Variants in ZFAT observed in about 807,000 individuals in gnomAD.
ZFAT encodes zinc finger protein ZFAT.
Under a neutral mutation model 117.7 loss-of-function variants are expected in ZFAT, and 64 were observed. That is an observed-to-expected ratio of 0.54 (90% confidence interval 0.44 to 0.67). The LOEUF is 0.67. Ranked by LOEUF, ZFAT falls within the 30% of genes least tolerant of loss-of-function variation. The probability of loss-of-function intolerance (pLI) is 0.00; values close to 1 mark genes in which losing one functional copy is unlikely to be tolerated. For synonymous variants in ZFAT, 679 were observed against 615.0 expected (o/e 1.10, Z -1.54); for missense variants, 1,433 against 1,584.5 (o/e 0.90, Z 1.62).
chr8:134,538,509 T>C (rs985398488), intron 11 of ZFAT, among the ~76,000 whole-genome samples: 1 of 152,172 alleles, frequency 6.6e-6, no homozygotes, highest in East Asian at 1.9e-4. Flanking sequence ...TCTCAAAAGG[T>C]ATATTGGGCC....
At chr8:134,507,176 A>G (rs1819478835) in intron 15 of ZFAT, among the ~76,000 whole-genome samples, 1 of 152,228 alleles carries the variant, frequency 6.6e-6, no homozygotes, top group African/African-American at 2.4e-5. Flanking sequence ...TTCTTGACTG[A>G]AAAAATCCTA....
rs1827590688 is a variant in ZFAT at position 134,602,637 on chromosome 8, T to C, written c.1082A>G (p.Lys361Arg). 5.6e-6 allele frequency: 9 copies of C among 1,614,218 alleles called. No homozygotes were observed. Among genetic ancestry groups the C allele is most frequent in the Non-Finnish European group, 7.6e-6 (9 of 1,180,046 alleles). ...GAGGTTCTTGACGTCAGAGTACTTC[T>C]TCTTGCAGAAGCGGCAGTGCTGCTT... ...KIKQHCRFCK[K>R]KYSDVKNLIK... The change falls in exon 6 of 16, where the codon AAG (lysine) becomes AGG (arginine). Residue 361 changes from lysine to arginine, a missense_variant. Physicochemically the swap from Lys to Arg is conservative, Grantham distance 26. This residue lies in a region of ZFAT where 436 missense variants were observed against 482.0 expected (regional missense o/e 0.90). Coordinates refer to ENST00000377838, the MANE Select transcript of ZFAT (RefSeq NM_020863.4).
chr8:134,759,696 C>A, the ZFAT span, among the ~76,000 whole-genome samples: 1 of 151,992 alleles, frequency 6.6e-6, no homozygotes, highest in African/African-American at 2.4e-5. Flanking sequence ...AACTTCCCAG[C>A]TGGGCGCGAT....
intron 15 of ZFAT, among the ~76,000 whole-genome samples, chr8:134,493,856 T>G (rs550718712): frequency 6.6e-6 from 1 of 152,246 alleles, no homozygotes; most frequent in South Asian, 2.1e-4. Context: ...TAGTAGGCAC[T>G]CAATAAACAC....
chr8:134,726,325 C>T, the ZFAT span, among the ~76,000 whole-genome samples: 2 of 152,134 alleles, frequency 1.3e-5, no homozygotes, highest in African/African-American at 4.8e-5. Context: ...TCTCTCCTCC[C>T]TTGATTTTTC....
intron 9 of ZFAT, among the ~76,000 whole-genome samples, chr8:134,586,728 C>T (rs973684827): frequency 3.3e-5 from 5 of 152,230 alleles, no homozygotes; most frequent in Non-Finnish European, 7.3e-5. Flanking sequence ...CCTGCTACCA[C>T]CCTCACCCCC....
chr8:134,786,846 T>A, the ZFAT span, among the ~76,000 whole-genome samples: 1 of 151,778 alleles, frequency 6.6e-6, no homozygotes, highest in African/African-American at 2.4e-5. Flanking sequence ...CAAGCTTTTT[T>A]TTTTTTTTTT....
the ZFAT span, among the ~76,000 whole-genome samples, chr8:134,830,308 G>A: frequency 6.6e-6 from 1 of 152,200 alleles, no homozygotes; most frequent in African/African-American, 2.4e-5. Context: ...ATAGGAGCAA[G>A]ATGTAAAAGA....
At chr8:134,526,933 T>C (rs1821065854) in intron 12 of ZFAT, among the ~76,000 whole-genome samples, 2 of 152,136 alleles carry the variant, frequency 1.3e-5, no homozygotes, top group Admixed American at 6.6e-5. Flanking sequence ...AATGAGTCCC[T>C]GAAGACAGCC....
intron 7 of ZFAT, among the ~76,000 whole-genome samples, chr8:134,596,427 CT>C (rs10711974): frequency 0.23 from 35,622 of 152,140 alleles, 4,598 homozygotes; most frequent in East Asian, 0.53. Context: ...AATGACACAG[CT>C]AAATACTGGT....
chr8:134,735,730 C>G, the ZFAT span, among the ~76,000 whole-genome samples: 4 of 152,082 alleles, frequency 2.6e-5, no homozygotes, highest in African/African-American at 9.7e-5. Flanking sequence ...ACTCATGAGG[C>G]CTCTAATAGA....
At chr8:134,491,051 T>G (rs148403297) in intron 15 of ZFAT, among the ~76,000 whole-genome samples, 100 of 152,352 alleles carry the variant, frequency 6.6e-4, no homozygotes, top group Middle Eastern at 6.8e-3. Flanking sequence ...CCAAGAATTG[T>G]TCTGTTCTCA....
chr8:134,657,140 T>G (rs1393720607), intron 2 of ZFAT, among the ~76,000 whole-genome samples: 1 of 152,256 alleles, frequency 6.6e-6, no homozygotes, highest in African/African-American at 2.4e-5. Flanking sequence ...TCTTAGGTCC[T>G]GTAGGCATAT....
At chr8:134,608,376 A>G (rs900644030) in intron 5 of ZFAT, among the ~76,000 whole-genome samples, 1 of 152,244 alleles carries the variant, frequency 6.6e-6, no homozygotes, top group African/African-American at 2.4e-5. Flanking sequence ...ATATTTTTCT[A>G]AACGGTAGTA....
At chr8:134,509,856 A>T (rs1819685264) in intron 14 of ZFAT, 107 bp from the exon 15 acceptor site, 19 of 1,379,760 alleles carry the variant, frequency 1.4e-5, no homozygotes, top group Non-Finnish European at 1.8e-5. Context: ...TCTCCAGAGG[A>T]TGCATGGGCT....
chr8:134,624,611 C>A (rs542265454), intron 3 of ZFAT, among the ~76,000 whole-genome samples: 1 of 151,932 alleles, frequency 6.6e-6, no homozygotes, highest in Non-Finnish European at 1.5e-5. Flanking sequence ...GAGCCGAGGT[C>A]GCACCATTGC....
At chr8:134,495,926 T>A (rs1297273187) in intron 15 of ZFAT, among the ~76,000 whole-genome samples, 1 of 151,406 alleles carries the variant, frequency 6.6e-6, no homozygotes, top group Non-Finnish European at 1.5e-5. Flanking sequence ...TGAGACCCTG[T>A]CTCAAAGAAA....
At chr8:134,684,521 C>T (rs925518443) in intron 1 of ZFAT, among the ~76,000 whole-genome samples, 1 of 152,090 alleles carries the variant, frequency 6.6e-6, no homozygotes, top group East Asian at 1.9e-4. Context: ...GCTGCCCACA[C>T]CATAGGGACA....
At chr8:134,790,423 A>G in the ZFAT span, among the ~76,000 whole-genome samples, 11 of 152,346 alleles carry the variant, frequency 7.2e-5, no homozygotes, top group South Asian at 8.3e-4. Context: ...CTCGGTTAAT[A>G]TAACAGAAGC....
Sources: gnomAD v4.1 joint callset for allele counts (sites outside exome capture counted in the v4.1 genomes callset) on GRCh38, gnomAD v4.1.1 for gene constraint, gnomAD v4.1.1 regional missense constraint, MANE v1.5 for transcripts, NCBI Gene and HGNC (gene_info 2026-07-23, HGNC 2026-07-21) for gene names.